The following VPS54 variants were observed in gnomAD, a reference collection of about 807,000 sequenced individuals.
The protein encoded by VPS54 is VPS54 subunit of GARP complex.
Under a neutral mutation model 121.5 loss-of-function variants are expected in VPS54, and 45 were observed. That is an observed-to-expected ratio of 0.37 (90% CI 0.29 to 0.47). VPS54 has a LOEUF of 0.47. VPS54 is among the 20% of genes least tolerant of loss of function. The pLI, the probability that VPS54 is intolerant of heterozygous loss-of-function variation, is 0.99. For missense variants in VPS54, 1,090 were observed against 1,131.4 expected, an observed-to-expected ratio of 0.96 and a Z score of 0.52; for synonymous variants, 371 against 385.8, an observed-to-expected ratio of 0.96 and a Z score of 0.45.
intron 1 of VPS54, among the ~76,000 whole-genome samples, chr2:64,005,350 G>A (rs543145879): frequency 1.3e-4 from 19 of 151,182 alleles, no homozygotes; most frequent in Middle Eastern, 3.5e-3. Flanking sequence ...TGATCCGCCC[G>A]CCTCGGCCTC....
At chr2:63,923,000 T>C (rs1016371264) in intron 12 of VPS54, among the ~76,000 whole-genome samples, 1 of 151,888 alleles carries the variant, frequency 6.6e-6, no homozygotes, top group African/African-American at 2.4e-5. Context: ...ATTTCATTCA[T>C]TGTAATTCTG....
At chr2:63,977,149 G>T in intron 3 of VPS54, among the ~76,000 whole-genome samples, 1 of 151,958 alleles carries the variant, frequency 6.6e-6, no homozygotes. Flanking sequence ...TCTTAATCTA[G>T]CTAAATGTTT....
At chr2:64,013,146 CACCTTT>C (rs1189193753) in intron 1 of VPS54, among the ~76,000 whole-genome samples, 1 of 152,164 alleles carries the variant, frequency 6.6e-6, no homozygotes, top group Non-Finnish European at 1.5e-5. Context: ...TCTGTCAGTT[CACCTTT>C]ACCAAGTGAT....
rs534284411 is a variant in VPS54 at position 63,957,169 on chromosome 2, A to G, written c.1010+4889T>C. ...AAAAATATTTATATCCCGGCCGGGC[A>G]CGGTGGCTCACACCTGTAATCCCAG... On this transcript the variant is annotated intron_variant, in intron 7 of 22. Coordinates refer to ENST00000272322, the MANE Select transcript of VPS54 (RefSeq NM_016516.3). Among the ~76,000 whole-genome samples the G allele has an allele frequency of 1.4e-4, 21 of 152,218 alleles. 1 individual carries two copies. Among genetic ancestry groups the G allele is most frequent in the Admixed American group, 8.5e-4 (13 of 15,280 alleles).
intron 20 of VPS54, among the ~76,000 whole-genome samples, chr2:63,909,365 ATAT>A (rs1673034480): frequency 6.8e-6 from 1 of 147,772 alleles, no homozygotes; most frequent in Admixed American, 6.7e-5. Context: ...GTACAATTAG[ATAT>A]TGTTTCATCC....
chr2:64,013,962 G>A (rs1162921535), intron 1 of VPS54, among the ~76,000 whole-genome samples: 1 of 149,582 alleles, frequency 6.7e-6, no homozygotes, highest in Non-Finnish European at 1.5e-5. Context: ...GAAGGCCGAG[G>A]CAGGTAGATC....
chr2:63,909,741 T>TTTTTTTTTTTTTTG (rs1673063037), intron 20 of VPS54, among the ~76,000 whole-genome samples: 1 of 148,900 alleles, frequency 6.7e-6, no homozygotes, highest in African/African-American at 2.5e-5. Flanking sequence ...TTTTTTTTTT[T>TTTTTTTTTTTTTTG]GAGACAGAGT....
intron 15 of VPS54, among the ~76,000 whole-genome samples, chr2:63,919,310 C>T (rs1673527374): frequency 6.6e-6 from 1 of 151,964 alleles, no homozygotes; most frequent in Non-Finnish European, 1.5e-5. Context: ...TGGATTTTCG[C>T]TATCATGTAA....
At chr2:63,926,846 G>T (rs1004751163) in intron 12 of VPS54, among the ~76,000 whole-genome samples, 16 of 152,100 alleles carry the variant, frequency 1.1e-4, no homozygotes, top group Non-Finnish European at 1.8e-4. Flanking sequence ...CCCGTGCCTG[G>T]CTCGGTGGGT....
intron 12 of VPS54, among the ~76,000 whole-genome samples, chr2:63,923,731 A>G (rs1673756751): frequency 6.6e-6 from 1 of 152,246 alleles, no homozygotes; most frequent in African/African-American, 2.4e-5. Context: ...CCTGCCTAGA[A>G]AAGTATTTCC....
chr2:63,972,923 C>T (rs542480385), intron 3 of VPS54, among the ~76,000 whole-genome samples: 1 of 151,096 alleles, frequency 6.6e-6, no homozygotes, highest in African/African-American at 2.4e-5. Flanking sequence ...TAGTTATTGA[C>T]ACGTTCTGAG....
intron 9 of VPS54, among the ~76,000 whole-genome samples, chr2:63,945,104 C>T (rs1674917943): frequency 6.6e-6 from 1 of 152,176 alleles, no homozygotes; most frequent in South Asian, 2.1e-4. Context: ...TCCACTGTAG[C>T]ACTATTCACA....
At chr2:63,986,989 G>C (rs1178168666) in intron 1 of VPS54, among the ~76,000 whole-genome samples, 2 of 152,206 alleles carry the variant, frequency 1.3e-5, no homozygotes. Flanking sequence ...CAGATGGGTA[G>C]TTTGCAAATA....
chr2:63,989,122 C>A (rs534495778), intron 1 of VPS54, among the ~76,000 whole-genome samples: 3 of 152,272 alleles, frequency 2.0e-5, no homozygotes, highest in Non-Finnish European at 4.4e-5. Context: ...TTAGGAAATT[C>A]CTGCCTAGTA....
At chr2:63,959,597 A>G (rs1440180052) in intron 7 of VPS54, among the ~76,000 whole-genome samples, 2 of 152,194 alleles carry the variant, frequency 1.3e-5, no homozygotes, top group Admixed American at 1.3e-4. Context: ...AAAATCATAA[A>G]CATTTTTGGC....
intron 1 of VPS54, among the ~76,000 whole-genome samples, chr2:64,014,389 A>G (rs1678584389): frequency 6.6e-6 from 1 of 152,216 alleles, no homozygotes; most frequent in African/African-American, 2.4e-5. Flanking sequence ...AGCATATTTG[A>G]AAACAAGGTA....
At chr2:63,943,998 C>T (rs1421522072) in intron 10 of VPS54, among the ~76,000 whole-genome samples, 4 of 151,608 alleles carry the variant, frequency 2.6e-5, no homozygotes, top group African/African-American at 9.7e-5. Flanking sequence ...TCCCAAAGTG[C>T]TGGGATTACA....
intron 11 of VPS54, among the ~76,000 whole-genome samples, chr2:63,936,693 T>A (rs1356036249): frequency 6.6e-6 from 1 of 152,104 alleles, no homozygotes; most frequent in African/African-American, 2.4e-5. Flanking sequence ...TAAACAAGAA[T>A]TTAATAAAAA....
At chr2:63,988,088 C>G (rs1312230847) in intron 1 of VPS54, among the ~76,000 whole-genome samples, 1 of 152,194 alleles carries the variant, frequency 6.6e-6, no homozygotes, top group African/African-American at 2.4e-5. Flanking sequence ...GGCATCCTTG[C>G]TGTGTTTCAG....
Sources: allele counts gnomAD v4.1 joint callset (sites outside exome capture counted in the v4.1 genomes callset), GRCh38; gene constraint gnomAD v4.1.1; transcripts MANE v1.5; gene names NCBI Gene and HGNC (gene_info 2026-07-23, HGNC 2026-07-21).